The following PDE3A variants were observed in gnomAD, a reference collection of about 807,000 sequenced individuals.
PDE3A encodes the protein phosphodiesterase 3A, also known as cGMP-inhibited 3',5'-cyclic phosphodiesterase 3A.
A neutral mutation model predicts 98.3 loss-of-function variants in PDE3A; 43 were observed. The ratio of observed to expected loss-of-function variants is 0.44; its 90% CI spans 0.34 to 0.56. The LOEUF (loss-of-function observed/expected upper bound fraction) is 0.56. PDE3A is among the 20% of genes least tolerant of loss of function. The probability of loss-of-function intolerance (pLI) is 0.01; values close to 1 mark genes in which losing one functional copy is unlikely to be tolerated. For missense variants in PDE3A, 1,427 were observed against 1,440.7 expected (o/e 0.99, Z 0.15); for synonymous variants, 663 against 567.9 (o/e 1.17, Z -2.38).
intron 2 of PDE3A, among the ~76,000 whole-genome samples, chr12:20,564,836 G>A (rs114314869): frequency 6.6e-6 from 1 of 152,054 alleles, no homozygotes; most frequent in African/African-American, 2.4e-5. Context: ...TTATGTTGGG[G>A]CCTGTGGACA....
At chr12:20,371,966 A>G (rs1321786734) in intron 1 of PDE3A, among the ~76,000 whole-genome samples, 2 of 152,196 alleles carry the variant, frequency 1.3e-5, no homozygotes, top group African/African-American at 4.8e-5. Flanking sequence ...TCTAAGGAAA[A>G]TCTGGGATTT....
chr12:20,650,210 C>T (rs1365430031), intron 13 of PDE3A, among the ~76,000 whole-genome samples: 2 of 151,680 alleles, frequency 1.3e-5, no homozygotes, highest in African/African-American at 4.8e-5. Context: ...CACACTCACC[C>T]TGTCACCCAT....
rs1448107442 is a variant in PDE3A at position 20,395,572 on chromosome 12, ATAG to A, written c.960+25331_960+25333del. On this transcript the variant is annotated intron_variant, in intron 1 of 15. Transcript: ENST00000359062. ...ATGTGTACACATAGTATATATATAC[ATAG>A]TATTATATATGTATACTATGTATAC... Among the ~76,000 whole-genome samples the A allele has an allele frequency of 9.0e-5, 10 of 111,618 alleles. No individual in the cohort carries two copies. In the East Asian group the frequency reaches 9.7e-4, roughly 11 times the overall value. The allele number at this position is 111,618 out of a possible 152,430, so 73.2% of individuals were successfully genotyped here. A position where few individuals can be genotyped will look rare whatever the true frequency, so the allele number is the denominator to read the frequency against.
At chr12:20,661,251 G>C (rs1335387243) in intron 15 of PDE3A, among the ~76,000 whole-genome samples, 1 of 152,110 alleles carries the variant, frequency 6.6e-6, no homozygotes, top group East Asian at 1.9e-4. Context: ...AAGCAGCAAA[G>C]CATTCAAAGG....
At chr12:20,541,275 A>G (rs1273161023) in intron 1 of PDE3A, among the ~76,000 whole-genome samples, 3 of 150,994 alleles carry the variant, frequency 2.0e-5, no homozygotes, top group Non-Finnish European at 4.4e-5. Context: ...TTTTTAAAAT[A>G]TTTTTTGTAG....
At chr12:20,411,394 C>T (rs564370372) in intron 1 of PDE3A, among the ~76,000 whole-genome samples, 1 of 152,210 alleles carries the variant, frequency 6.6e-6, no homozygotes, top group South Asian at 2.1e-4. Flanking sequence ...TAAAATAGGA[C>T]AGTATGTGTC....
chr12:20,431,632 C>CGCACACACAT lies in PDE3A; in HGVS notation c.960+61392_960+61393insACACATGCAC, dbSNP rs1565547057. Among the ~76,000 whole-genome samples the CGCACACACAT allele has an allele frequency of 1.1e-4, 17 of 152,024 alleles. 1 individual carries two copies. In the East Asian group the frequency reaches 2.1e-3, roughly 19 times the overall value. On this transcript the variant is annotated intron_variant, in intron 1 of 15. Coordinates refer to ENST00000359062, the MANE Select transcript of PDE3A (RefSeq NM_000921.5). ...ACACACACACACACACGCACACACACGCACGCACAAATGCATGCACACATT... is the reference window on the plus strand; with the variant it reads ...ACACACACACACACACGCACACACACGCACACACATGCACGCACAAATGCATGCACACATT...
At chr12:20,475,914 C>T (rs1022315207) in intron 1 of PDE3A, among the ~76,000 whole-genome samples, 1 of 152,064 alleles carries the variant, frequency 6.6e-6, no homozygotes, top group Non-Finnish European at 1.5e-5. Context: ...TAGATAAGCA[C>T]CCAAGTAGAA....
chr12:20,658,915 C>T (rs1042179929), intron 15 of PDE3A, among the ~76,000 whole-genome samples: 6 of 152,092 alleles, frequency 3.9e-5, no homozygotes, highest in Non-Finnish European at 7.4e-5. Flanking sequence ...GGCCTATAGT[C>T]TAGAAGTCTA....
chr12:20,414,310 G>A (rs10743372), intron 1 of PDE3A, among the ~76,000 whole-genome samples: 93,773 of 151,922 alleles, frequency 0.62, 30,710 homozygotes, highest in East Asian at 0.88. Context: ...AGAGAGTAGA[G>A]GTGAATTTAG....
intron 1 of PDE3A, among the ~76,000 whole-genome samples, chr12:20,379,912 C>T (rs1051039886): frequency 1.3e-5 from 2 of 151,680 alleles, no homozygotes; most frequent in Non-Finnish European, 1.5e-5. Context: ...TCACTCTCAA[C>T]TGAAAATAAC....
intron 1 of PDE3A, among the ~76,000 whole-genome samples, chr12:20,423,016 A>G (rs79284296): frequency 0.042 from 6,435 of 152,328 alleles, 184 homozygotes; most frequent in South Asian, 0.062. Context: ...ACTGGAATGT[A>G]TAGCCAATGA....
At position 20,648,042 on chromosome 12, in the gene PDE3A, C is replaced by T. The variant is rs1366424854; in HGVS notation, c.2566-646C>T. 7.3e-5 allele frequency among the ~76,000 whole-genome samples: 11 copies of T among 151,566 alleles called. No individual in the cohort carries two copies. The East Asian group carries it at 2.1e-3, about 29-fold the overall frequency. ...TTTAAAAAAAAATTCTCTAATAAAA[C>T]TTCTCTCTGCATTATTAGAGAATTT... On this transcript the variant is annotated intron_variant, in intron 12 of 15. Transcript: ENST00000359062.
At chr12:20,464,225 T>A (rs1480104630) in intron 1 of PDE3A, among the ~76,000 whole-genome samples, 1 of 152,192 alleles carries the variant, frequency 6.6e-6, no homozygotes, top group African/African-American at 2.4e-5. Flanking sequence ...TTATATGGAA[T>A]GCACACAAAT....
At chr12:20,594,017 G>A (rs1411061302) in intron 2 of PDE3A, among the ~76,000 whole-genome samples, 2 of 152,136 alleles carry the variant, frequency 1.3e-5, no homozygotes, top group African/African-American at 4.8e-5. Context: ...TGGTGGTGAA[G>A]CAAGAAAAAG....
chr12:20,618,134 A>AATCT (rs1384276589), intron 4 of PDE3A, among the ~76,000 whole-genome samples: 3 of 152,166 alleles, frequency 2.0e-5, no homozygotes, highest in African/African-American at 7.2e-5. Flanking sequence ...TATGAAAAGT[A>AATCT]CTGATGTAAA....
At chr12:20,527,019 A>G (rs1185009301) in intron 1 of PDE3A, among the ~76,000 whole-genome samples, 4 of 151,274 alleles carry the variant, frequency 2.6e-5, no homozygotes, top group Non-Finnish European at 5.9e-5. Flanking sequence ...CCCAGGTTCA[A>G]GCAATTCTCC....
chr12:20,639,841 T>C lies in PDE3A; in HGVS notation c.2140-5T>C, dbSNP rs772273441. The C allele has an allele frequency of 2.3e-6, 3 of 1,322,226 alleles. No homozygotes were observed. In the Admixed American group the frequency reaches 5.0e-5, roughly 22 times the overall value. 81.9% of individuals were successfully genotyped at this position (1,322,226 alleles called of 1,614,324 possible). On this transcript the variant is annotated splice_region_variant and splice_polypyrimidine_tract_variant and intron_variant, in intron 9 of 15. Transcript: ENST00000359062. ...TGTTTCATAAGGCTTTGTCTTCTTT[T>C]ACAGGTATCTTACAGACTTTTTGAA...
intron 1 of PDE3A, among the ~76,000 whole-genome samples, chr12:20,524,370 A>C (rs1232524975): frequency 2.0e-5 from 3 of 152,132 alleles, no homozygotes; most frequent in African/African-American, 4.8e-5. Flanking sequence ...TTACTTGCCA[A>C]AGCTTTTTTT....
Sources: gnomAD v4.1 joint callset for allele counts (sites outside exome capture counted in the v4.1 genomes callset) on GRCh38, gnomAD v4.1.1 for gene constraint, MANE v1.5 for transcripts, NCBI Gene and HGNC (gene_info 2026-07-23, HGNC 2026-07-21) for gene names.